CDH13: variants seen among roughly 807,000 people sequenced by gnomAD.
CDH13 encodes cadherin 13, also known as cadherin-13.
A neutral mutation model predicts 63.8 loss-of-function variants in CDH13; 24 were observed. The ratio of observed to expected loss-of-function variants is 0.38; its 90% confidence interval spans 0.27 to 0.53. The LOEUF (loss-of-function observed/expected upper bound fraction) is 0.53. Among genes scored for constraint, CDH13 ranks in the 20% least tolerant of loss-of-function variants. CDH13 has a pLI of 0.85. For synonymous variants in CDH13, 503 were observed against 355.3 expected (o/e 1.42, Z -4.67); for missense variants, 1,049 against 903.1 (o/e 1.16, Z -2.07).
chr16:82,940,611 C>T (rs1054255322), intron 2 of CDH13, among the ~76,000 whole-genome samples: 1 of 152,204 alleles, frequency 6.6e-6, no homozygotes, highest in Non-Finnish European at 1.5e-5. Flanking sequence ...CTGGTTCCTG[C>T]TTCATACATC....
intron 5 of CDH13, among the ~76,000 whole-genome samples, chr16:83,263,645 T>C (rs944637503): frequency 2.6e-5 from 4 of 152,218 alleles, no homozygotes; most frequent in African/African-American, 9.6e-5. Flanking sequence ...ATTAAAACCA[T>C]TACCACTGCT....
intron 7 of CDH13, among the ~76,000 whole-genome samples, chr16:83,535,064 T>C (rs1433498282): frequency 6.6e-6 from 1 of 152,172 alleles, no homozygotes; most frequent in Non-Finnish European, 1.5e-5. Flanking sequence ...TCCTGGGAAT[T>C]ATTAGGATCA....
intron 2 of CDH13, among the ~76,000 whole-genome samples, chr16:83,029,146 T>C (rs1916079874): frequency 6.6e-6 from 1 of 152,222 alleles, no homozygotes; most frequent in South Asian, 2.1e-4. Context: ...GTGCTCAATC[T>C]GCATTATCCA....
At chr16:82,669,719 A>C (rs770197835) in intron 1 of CDH13, among the ~76,000 whole-genome samples, 6 of 152,220 alleles carry the variant, frequency 3.9e-5, no homozygotes, top group Non-Finnish European at 7.3e-5. Flanking sequence ...TCTAGAATGT[A>C]GATCAATTAA....
chr16:82,992,730 C>T (rs1366315289), intron 2 of CDH13, among the ~76,000 whole-genome samples: 1 of 152,160 alleles, frequency 6.6e-6, no homozygotes, highest in Non-Finnish European at 1.5e-5. Context: ...TGGTTCTTGG[C>T]ATCAAGCAGA....
intron 11 of CDH13, chr16:83,772,920 A>G (rs924337128): frequency 6.6e-6 from 1 of 152,250 alleles, no homozygotes; most frequent in Non-Finnish European, 1.5e-5. Flanking sequence ...ATTCAAGGCT[A>G]CAATAAGGGA....
intron 2 of CDH13, chr16:82,884,240 G>A (rs980385193): frequency 4.4e-6 from 2 of 455,008 alleles, no homozygotes; most frequent in East Asian, 1.4e-4. Context: ...AAAAGCCTGG[G>A]CTCCCATGAG....
intron 11 of CDH13, among the ~76,000 whole-genome samples, chr16:83,763,722 TTG>T (rs367786366): frequency 0.013 from 1,979 of 152,290 alleles, 18 homozygotes; most frequent in Non-Finnish European, 0.019. Context: ...GAAAAATAAA[TTG>T]ATGACCCAGC....
intron 6 of CDH13, among the ~76,000 whole-genome samples, chr16:83,486,158 C>G (rs962880519): frequency 8.9e-6 from 1 of 111,872 alleles, no homozygotes; most frequent in Non-Finnish European, 1.9e-5. Context: ...ATGAATGTCC[C>G]TGTCACAAAG....
rs539790934 is a variant in CDH13, at chr16:82,776,186, G to C, written c.46-82176G>C. Among the ~76,000 whole-genome samples the C allele has an allele frequency of 5.1e-4, 75 of 147,878 alleles. 1 individual carries two copies. The highest frequency in any genetic ancestry group is 1.8e-3 in the African/African-American group (74 of 40,704). On this transcript the variant is annotated intron_variant, in intron 1 of 13. Coordinates refer to ENST00000567109, the MANE Select transcript of CDH13 (RefSeq NM_001257.5). ...GATTGTGCCACTGCATTCCAGCTTG[G>C]GTAACAGAGCAAGACTGTTGAAGAA...
intron 1 of CDH13, among the ~76,000 whole-genome samples, chr16:82,762,094 G>A (rs2034876596): frequency 6.6e-6 from 1 of 152,166 alleles, no homozygotes; most frequent in Non-Finnish European, 1.5e-5. Flanking sequence ...AAAGGAAGCA[G>A]CTAGGCAAGA....
intron 1 of CDH13, among the ~76,000 whole-genome samples, chr16:82,648,248 G>A (rs1291394724): frequency 6.6e-6 from 1 of 152,170 alleles, no homozygotes; most frequent in East Asian, 1.9e-4. Context: ...ACACATCTGA[G>A]AAGTTAAACA....
At chr16:83,457,361 G>T (rs943506011) in intron 6 of CDH13, among the ~76,000 whole-genome samples, 1 of 152,082 alleles carries the variant, frequency 6.6e-6, no homozygotes, top group African/African-American at 2.4e-5. Context: ...AGCCAGGCAG[G>T]GTGGGCACTG....
intron 8 of CDH13, among the ~76,000 whole-genome samples, chr16:83,623,593 C>A (rs1353883923): frequency 6.6e-6 from 1 of 152,158 alleles, no homozygotes; most frequent in African/African-American, 2.4e-5. Flanking sequence ...CAAATAGGAA[C>A]AGGTGTCTTT....
chr16:83,103,625 A>G (rs1597342127), intron 3 of CDH13, among the ~76,000 whole-genome samples: 1 of 152,296 alleles, frequency 6.6e-6, no homozygotes, highest in East Asian at 1.9e-4. Flanking sequence ...TCTGAGCGGA[A>G]TGGCCTGTGT....
intron 2 of CDH13, among the ~76,000 whole-genome samples, chr16:83,024,480 T>C (rs895815593): frequency 2.0e-5 from 3 of 152,146 alleles, no homozygotes. Context: ...AAGACTGGCA[T>C]AGCCCTCAGG....
At chr16:83,165,896 C>A (rs1052735284) in intron 4 of CDH13, among the ~76,000 whole-genome samples, 1 of 151,950 alleles carries the variant, frequency 6.6e-6, no homozygotes, top group African/African-American at 2.4e-5. Flanking sequence ...TCTGTAGGAC[C>A]CAGGAGAGAG....
intron 5 of CDH13, among the ~76,000 whole-genome samples, chr16:83,236,956 C>T (rs1040610409): frequency 5.9e-5 from 9 of 151,884 alleles, no homozygotes; most frequent in African/African-American, 2.2e-4. Flanking sequence ...GTGAGTTTCA[C>T]CTCATTTTAA....
At chr16:83,211,723 A>G (rs1459937765) in intron 4 of CDH13, among the ~76,000 whole-genome samples, 1 of 151,876 alleles carries the variant, frequency 6.6e-6, no homozygotes, top group Non-Finnish European at 1.5e-5. Context: ...GCCCGGATGC[A>G]GAAGACACTG....
Sources: allele counts gnomAD v4.1 joint callset (sites outside exome capture counted in the v4.1 genomes callset), GRCh38; gene constraint gnomAD v4.1.1; transcripts MANE v1.5; gene names NCBI Gene and HGNC (gene_info 2026-07-23, HGNC 2026-07-21).